The following VPS37A variants were observed in gnomAD, a reference collection of about 807,000 sequenced individuals.
VPS37A encodes the protein vacuolar protein sorting-associated protein 37A.
VPS37A carries 30 observed loss-of-function variants against 49.8 expected under a neutral mutation model. That is an observed-to-expected ratio of 0.60 (90% CI 0.45 to 0.82). The LOEUF is 0.82. Among genes scored for constraint, VPS37A ranks in the 40% least tolerant of loss-of-function variants. The probability of loss-of-function intolerance (pLI) is 0.00; values close to 1 mark genes in which losing one functional copy is unlikely to be tolerated. For missense variants in VPS37A, 593 were observed against 464.4 expected (o/e 1.28, Z -2.55); for synonymous variants, 195 against 160.6 (o/e 1.21, Z -1.62).
chr8:17,317,532 C>G, the VPS37A span, among the ~76,000 whole-genome samples: 2 of 152,172 alleles, frequency 1.3e-5, no homozygotes, highest in African/African-American at 4.8e-5. Context: ...CTCCTGATCC[C>G]AGAGTCCCTG....
rs1816623189 is a variant in VPS37A, at chr8:17,296,268, A to C, written c.*1282A>C. The C allele has an allele frequency of 1.3e-5, 2 of 152,200 alleles. No homozygotes were observed. Among genetic ancestry groups the C allele is most frequent in the Non-Finnish European group, 2.9e-5 (2 of 68,028 alleles). 9.4% of individuals were successfully genotyped at this position (152,200 alleles called of 1,614,324 possible). Reference sequence around the variant, plus strand: ...GTCTGTTTGTGGAGGGCAGGTATTCACGTGGACTGAGATACAATGTTGGAT... The same window carrying C: ...GTCTGTTTGTGGAGGGCAGGTATTCCCGTGGACTGAGATACAATGTTGGAT... On this transcript the variant is annotated 3_prime_UTR_variant, in exon 12 of 12. Transcript: ENST00000324849.
intron 1 of VPS37A, among the ~76,000 whole-genome samples, chr8:17,257,767 G>A (rs1563243148): frequency 6.6e-6 from 1 of 152,172 alleles, no homozygotes; most frequent in Non-Finnish European, 1.5e-5. Flanking sequence ...CCAGCCACAA[G>A]CATGGAATAT....
intron 4 of VPS37A, among the ~76,000 whole-genome samples, chr8:17,274,028 G>C (rs916970785): frequency 3.9e-5 from 6 of 152,014 alleles, no homozygotes; most frequent in Non-Finnish European, 8.8e-5. Flanking sequence ...TCTGCATCTA[G>C]GTCTGAATTA....
intron 11 of VPS37A, among the ~76,000 whole-genome samples, chr8:17,291,201 T>C (rs1241143330): frequency 6.6e-6 from 1 of 152,064 alleles, no homozygotes; most frequent in Non-Finnish European, 1.5e-5. Context: ...TTAGTAGAGA[T>C]GGGGTTTCAC....
At chr8:17,315,192 G>A in the VPS37A span, among the ~76,000 whole-genome samples, 1 of 152,200 alleles carries the variant, frequency 6.6e-6, no homozygotes, top group Non-Finnish European at 1.5e-5. Context: ...AAAAGACACA[G>A]AGGGAAGTTA....
At chr8:17,276,295 A>G in intron 5 of VPS37A, 102 bp from the exon 6 acceptor site, 3 of 848,018 alleles carry the variant, frequency 3.5e-6, no homozygotes, top group Middle Eastern at 2.4e-4. Context: ...TGATAATGCA[A>G]ACAGTTATGG....
chr8:17,276,576 T>A, intron 6 of VPS37A, 109 bp downstream of exon 6: 1 of 1,080,804 alleles, frequency 9.3e-7, no homozygotes, highest in Non-Finnish European at 1.3e-6. Context: ...TCACTAATCC[T>A]AAACAATATT....
chr8:17,312,283 ACT>A, the VPS37A span, among the ~76,000 whole-genome samples: 2 of 152,112 alleles, frequency 1.3e-5, no homozygotes, highest in Non-Finnish European at 1.5e-5. Flanking sequence ...GTTTATTAAT[ACT>A]CTGTCTCAGC....
chr8:17,279,752 G>T (rs111756296), intron 6 of VPS37A: 2 of 492,658 alleles, frequency 4.1e-6, no homozygotes, highest in Non-Finnish European at 7.9e-6. Context: ...ACTTCCCCAC[G>T]GTTGTGATTT....
chr8:17,251,457 C>T (rs1040627572), intron 1 of VPS37A, among the ~76,000 whole-genome samples: 2 of 152,194 alleles, frequency 1.3e-5, no homozygotes, highest in Non-Finnish European at 2.9e-5. Flanking sequence ...AGGCATAGGA[C>T]GAATTACATT....
the VPS37A span, among the ~76,000 whole-genome samples, chr8:17,328,063 A>G: frequency 6.6e-6 from 1 of 152,328 alleles, no homozygotes; most frequent in South Asian, 2.1e-4. Context: ...GACCAACAGT[A>G]TTAATCTAAC....
At chr8:17,320,690 G>A in the VPS37A span, among the ~76,000 whole-genome samples, 25,621 of 152,200 alleles carry the variant, frequency 0.17, 2,733 homozygotes, top group Admixed American at 0.25. Context: ...GAGCAAGCTC[G>A]GCCCTTCTGG....
chr8:17,290,794 A>C (rs1006357187), intron 11 of VPS37A, among the ~76,000 whole-genome samples: 1 of 152,162 alleles, frequency 6.6e-6, no homozygotes, highest in Non-Finnish European at 1.5e-5. Flanking sequence ...TTTGGCTATG[A>C]ATCAGTCTGG....
rs1462807982 is a variant in VPS37A at position 17,297,538 on chromosome 8, C to T, written c.*2552C>T. On this transcript the variant is annotated 3_prime_UTR_variant, in exon 12 of 12. Transcript: ENST00000324849. Reference sequence around the variant, plus strand: ...AAGCTCAGTTACTGATTTGCTGGGTCATGGTCAAAATTCTTACCTATTTAT... The same window carrying T: ...AAGCTCAGTTACTGATTTGCTGGGTTATGGTCAAAATTCTTACCTATTTAT... The T allele has an allele frequency of 1.4e-5, 2 of 139,368 alleles. No homozygotes were observed. Among genetic ancestry groups the T allele is most frequent in the Non-Finnish European group, 3.0e-5 (2 of 65,792 alleles). The allele number at this position is 139,368 out of a possible 1,614,324, so 8.6% of individuals were successfully genotyped here. A position where few individuals can be genotyped will look rare whatever the true frequency, so the allele number is the denominator to read the frequency against.
At chr8:17,320,430 G>A in the VPS37A span, among the ~76,000 whole-genome samples, 5 of 152,086 alleles carry the variant, frequency 3.3e-5, no homozygotes, top group African/African-American at 1.2e-4. Context: ...GTGGCAACAA[G>A]GCAATTGGGA....
downstream of VPS37A, chr8:17,304,358 A>T (rs1817314019): frequency 1.9e-6 from 3 of 1,604,764 alleles, no homozygotes; most frequent in Non-Finnish European, 2.6e-6. Context: ...ATGGCTACAA[A>T]GTTACCAAGG....
At position 17,281,974 on chromosome 8, in the gene VPS37A, A is replaced by G. The variant is rs530349152; in HGVS notation, c.969+1531A>G. ...TTAAAAAGATTTCATTCTCCCCAAA[A>G]TAACTTAGAAATTGAATACAGTTCT... On this transcript the variant is annotated intron_variant, in intron 9 of 11. Transcript: ENST00000324849. 2.0e-5 allele frequency among the ~76,000 whole-genome samples: 3 copies of G among 152,076 alleles called. No individual in the cohort carries two copies. In the South Asian group the frequency reaches 6.2e-4, roughly 31 times the overall value.
downstream of VPS37A, chr8:17,302,294 C>T (rs1184183609): frequency 6.2e-7 from 1 of 1,611,428 alleles, no homozygotes; most frequent in Non-Finnish European, 8.5e-7. Flanking sequence ...GAAAGGATGG[C>T]AAAGCGTCGT....
At chr8:17,314,415 C>T in the VPS37A span, among the ~76,000 whole-genome samples, 1 of 152,250 alleles carries the variant, frequency 6.6e-6, no homozygotes, top group African/African-American at 2.4e-5. Context: ...GCCTCAATTT[C>T]TTCATTTTTA....
Sources: allele counts gnomAD v4.1 joint callset (sites outside exome capture counted in the v4.1 genomes callset), GRCh38; gene constraint gnomAD v4.1.1; transcripts MANE v1.5; gene names NCBI Gene and HGNC (gene_info 2026-07-23, HGNC 2026-07-21).